Variants in TLL1 observed in about 807,000 individuals in gnomAD.
The protein encoded by TLL1 is tolloid like 1, also known as tolloid-like protein 1.
Under a neutral mutation model 128.2 loss-of-function variants are expected in TLL1, and 49 were observed. That is an observed-to-expected ratio of 0.38 (90% CI 0.30 to 0.48). The LOEUF is 0.48. Among genes scored for constraint, TLL1 ranks in the 20% least tolerant of loss-of-function variants. TLL1 has a pLI of 0.96. For synonymous variants in TLL1, 454 were observed against 418.8 expected, an observed-to-expected ratio of 1.08 and a Z score of -1.03; for missense variants, 1,123 against 1,242.0, an observed-to-expected ratio of 0.90 and a Z score of 1.44.
At chr4:165,888,874 C>T (rs563079188) in intron 1 of TLL1, among the ~76,000 whole-genome samples, 8 of 152,242 alleles carry the variant, frequency 5.3e-5, no homozygotes, top group Admixed American at 1.3e-4. Flanking sequence ...CCTGGGTGGG[C>T]CTTGCCCTAT....
intron 8 of TLL1, among the ~76,000 whole-genome samples, chr4:166,016,476 A>T (rs1237601158): frequency 6.6e-6 from 1 of 152,040 alleles, no homozygotes; most frequent in African/African-American, 2.4e-5. Context: ...AGAATAAAAA[A>T]CTAACCTTAT....
At chr4:165,963,449 C>T (rs1399856358) in intron 1 of TLL1, among the ~76,000 whole-genome samples, 1 of 152,066 alleles carries the variant, frequency 6.6e-6, no homozygotes, top group Non-Finnish European at 1.5e-5. Flanking sequence ...TTCATGATGG[C>T]ATTTTCAGTA....
intron 9 of TLL1, among the ~76,000 whole-genome samples, chr4:166,038,265 T>C (rs1228319036): frequency 1.3e-5 from 2 of 152,150 alleles, no homozygotes; most frequent in African/African-American, 2.4e-5. Context: ...TCCTTTGTTA[T>C]TCCTTGAGAC....
chr4:165,918,386 G>A (rs2110884334), intron 1 of TLL1, among the ~76,000 whole-genome samples: 1 of 152,176 alleles, frequency 6.6e-6, no homozygotes, highest in African/African-American at 2.4e-5. Flanking sequence ...CAGATTTGTG[G>A]TTTTTAACAC....
chr4:166,013,271 ATTTG>A (rs1490657204), intron 7 of TLL1, among the ~76,000 whole-genome samples: 1 of 151,752 alleles, frequency 6.6e-6, no homozygotes, highest in Non-Finnish European at 1.5e-5. Context: ...ATTATTAATC[ATTTG>A]TTTAATGTCT....
intron 1 of TLL1, among the ~76,000 whole-genome samples, chr4:165,940,607 CTTAATTG>C (rs1733962171): frequency 6.6e-6 from 1 of 151,856 alleles, no homozygotes; most frequent in Non-Finnish European, 1.5e-5. Context: ...AAATTTATTT[CTTAATTG>C]TTCAAAAAAA....
At chr4:166,054,876 C>G (rs1285748815) in intron 12 of TLL1, among the ~76,000 whole-genome samples, 200 bp from the exon 13 acceptor site, 5 of 151,698 alleles carry the variant, frequency 3.3e-5, no homozygotes, top group Admixed American at 2.0e-4. Flanking sequence ...ATTTTTTATC[C>G]TTCCCTGTCT....
intron 1 of TLL1, among the ~76,000 whole-genome samples, chr4:165,963,836 G>C (rs892891846): frequency 6.6e-6 from 1 of 152,190 alleles, no homozygotes; most frequent in Non-Finnish European, 1.5e-5. Flanking sequence ...CTGATGAAGT[G>C]AAAATGTGTG....
chr4:165,880,629 C>G (rs1468064594), intron 1 of TLL1, among the ~76,000 whole-genome samples: 2 of 152,098 alleles, frequency 1.3e-5, no homozygotes, highest in Non-Finnish European at 2.9e-5. Flanking sequence ...TTTTAACACA[C>G]CATACCATTT....
intron 6 of TLL1, among the ~76,000 whole-genome samples, chr4:166,004,133 A>T (rs1421151039): frequency 6.6e-6 from 1 of 152,100 alleles, no homozygotes; most frequent in Non-Finnish European, 1.5e-5. Context: ...TTGAAATATA[A>T]TTTCTACTTA....
intron 7 of TLL1, among the ~76,000 whole-genome samples, chr4:166,011,908 A>G (rs1737712320): frequency 6.6e-6 from 1 of 151,360 alleles, no homozygotes; most frequent in South Asian, 2.1e-4. Flanking sequence ...TTTGTTCTTT[A>G]TTCTGTTAAT....
At chr4:165,903,069 T>G (rs181730866) in intron 1 of TLL1, among the ~76,000 whole-genome samples, 171 of 152,260 alleles carry the variant, frequency 1.1e-3, no homozygotes, top group African/African-American at 3.7e-3. Flanking sequence ...CCGGGTGCGG[T>G]GGCTCACACC....
intron 5 of TLL1, among the ~76,000 whole-genome samples, chr4:166,000,541 G>T (rs1737098937): frequency 6.6e-6 from 1 of 152,086 alleles, no homozygotes; most frequent in South Asian, 2.1e-4. Flanking sequence ...TGACCACATT[G>T]CTTTACTGTC....
At chr4:165,921,758 A>G (rs1329507447) in intron 1 of TLL1, among the ~76,000 whole-genome samples, 1 of 152,210 alleles carries the variant, frequency 6.6e-6, no homozygotes, top group African/African-American at 2.4e-5. Context: ...AGGTGTGTAT[A>G]GTCACACTTC....
intron 1 of TLL1, among the ~76,000 whole-genome samples, chr4:165,974,935 A>G (rs1305804599): frequency 6.6e-6 from 1 of 152,114 alleles, no homozygotes. Context: ...GACAGTTCTC[A>G]GGATCACCAC....
At position 166,041,600 on chromosome 4, in the gene TLL1, A is replaced by G. The variant is rs572577900; in HGVS notation, c.1262-427A>G. Among the ~76,000 whole-genome samples, 6 of 152,134 alleles carry G rather than the reference A, an allele frequency of 3.9e-5. No homozygotes were observed. In the East Asian group the frequency reaches 1.2e-3, roughly 29 times the overall value. On this transcript the variant is annotated intron_variant, in intron 10 of 20. Transcript: ENST00000061240. ...AGGCGTGAGCCACTGTGCCTGGCCG[A>G]GAGCACATTCTTAACCAAGTCATTT...
intron 1 of TLL1, among the ~76,000 whole-genome samples, chr4:165,918,471 T>G (rs889002010): frequency 6.6e-6 from 1 of 152,198 alleles, no homozygotes; most frequent in African/African-American, 2.4e-5. Context: ...TGCATGAAAT[T>G]AGAATCTCTG....
chr4:166,030,451 A>G (rs760169728), intron 9 of TLL1: 1 of 591,402 alleles, frequency 1.7e-6, no homozygotes, highest in Non-Finnish European at 3.1e-6. Context: ...CCTCCTTCAC[A>G]GGTTGTATTT....
chr4:165,898,945 G>A (rs1266682262), intron 1 of TLL1, among the ~76,000 whole-genome samples: 1 of 152,140 alleles, frequency 6.6e-6, no homozygotes, highest in East Asian at 1.9e-4. Flanking sequence ...CTTCTTCTTG[G>A]TTTAGTCTTG....
Sources: gnomAD v4.1 joint callset for allele counts (sites outside exome capture counted in the v4.1 genomes callset) on GRCh38, gnomAD v4.1.1 for gene constraint, MANE v1.5 for transcripts, NCBI Gene and HGNC (gene_info 2026-07-23, HGNC 2026-07-21) for gene names.